Variants in CACNA2D3 observed in about 807,000 individuals in gnomAD.
CACNA2D3 encodes the protein calcium voltage-gated channel auxiliary subunit alpha2delta 3.
A neutral mutation model predicts 160.6 loss-of-function variants in CACNA2D3; 60 were observed. That is an observed-to-expected ratio of 0.37 (90% CI 0.30 to 0.46). The LOEUF (loss-of-function observed/expected upper bound fraction) is 0.46, where lower values mean the gene tolerates loss of function less well. Ranked by LOEUF, CACNA2D3 falls within the 20% of genes least tolerant of loss-of-function variation. The probability of loss-of-function intolerance (pLI) is 1.00; values close to 1 mark genes in which losing one functional copy is unlikely to be tolerated. For synonymous variants in CACNA2D3, 558 were observed against 492.9 expected (o/e 1.13, Z -1.75); for missense variants, 1,205 against 1,365.0 (o/e 0.88, Z 1.85).
intron 10 of CACNA2D3, chr3:54,634,585 C>T (rs964439099): frequency 6.6e-6 from 1 of 151,936 alleles, no homozygotes; most frequent in Non-Finnish European, 1.5e-5. Context: ...AAAAGAGAGT[C>T]AGCGAAGGGA....
intron 9 of CACNA2D3, among the ~76,000 whole-genome samples, chr3:54,618,382 C>T (rs1362610352): frequency 3.7e-4 from 45 of 122,250 alleles, no homozygotes; most frequent in Admixed American, 2.0e-3. Context: ...TATGCACACA[C>T]ACACACACAC....
chr3:54,163,438 G>A (rs917051960), intron 2 of CACNA2D3, among the ~76,000 whole-genome samples: 4 of 152,180 alleles, frequency 2.6e-5, no homozygotes, highest in African/African-American at 9.7e-5. Flanking sequence ...TTCTCTGGGA[G>A]ACTGCTATCC....
At chr3:54,139,357 C>G (rs1394095518) in intron 2 of CACNA2D3, among the ~76,000 whole-genome samples, 1 of 152,260 alleles carries the variant, frequency 6.6e-6, no homozygotes, top group African/African-American at 2.4e-5. Flanking sequence ...CCAGCAGGCT[C>G]AGCAGACTCA....
At chr3:54,304,920 T>G (rs144451506) in intron 2 of CACNA2D3, among the ~76,000 whole-genome samples, 1 of 152,340 alleles carries the variant, frequency 6.6e-6, no homozygotes, top group East Asian at 1.9e-4. Flanking sequence ...GCTCTTTTTT[T>G]TTTTAAACAT....
chr3:54,287,080 T>C (rs1409151584), intron 2 of CACNA2D3, among the ~76,000 whole-genome samples: 1 of 151,846 alleles, frequency 6.6e-6, no homozygotes, highest in East Asian at 1.9e-4. Flanking sequence ...CATAACAATA[T>C]TAACTTTAAA....
intron 14 of CACNA2D3, among the ~76,000 whole-genome samples, chr3:54,822,748 T>C (rs938399371): frequency 7.6e-5 from 5 of 65,632 alleles, no homozygotes; most frequent in Non-Finnish European, 1.1e-4. Flanking sequence ...CTTTCTTTCT[T>C]TCTTTCTTTC....
intron 35 of CACNA2D3, among the ~76,000 whole-genome samples, chr3:55,034,376 CTT>C (rs1703768196): frequency 6.6e-6 from 1 of 151,848 alleles, no homozygotes; most frequent in Non-Finnish European, 1.5e-5. Flanking sequence ...CCTTACTTCT[CTT>C]TGTCTCTTAA....
intron 4 of CACNA2D3, among the ~76,000 whole-genome samples, chr3:54,465,405 T>C (rs546068575): frequency 1.3e-5 from 2 of 152,290 alleles, no homozygotes; most frequent in East Asian, 3.9e-4. Context: ...TTATTAGTTA[T>C]TGTTAATCTC....
chr3:54,845,047 G>A (rs1414533912), intron 16 of CACNA2D3, among the ~76,000 whole-genome samples: 1 of 152,132 alleles, frequency 6.6e-6, no homozygotes, highest in African/African-American at 2.4e-5. Flanking sequence ...TGAAAGAGAC[G>A]ATATACATCT....
intron 4 of CACNA2D3, among the ~76,000 whole-genome samples, chr3:54,405,747 C>T (rs986966411): frequency 1.1e-4 from 16 of 151,764 alleles, no homozygotes; most frequent in Non-Finnish European, 2.1e-4. Context: ...AGCTTCTGCA[C>T]AGCAATGGAA....
intron 4 of CACNA2D3, among the ~76,000 whole-genome samples, chr3:54,460,735 A>T (rs896924592): frequency 6.6e-6 from 1 of 152,114 alleles, no homozygotes; most frequent in African/African-American, 2.4e-5. Context: ...GGACAATTTG[A>T]CTTCCTGTTT....
At chr3:54,862,631 C>T (rs1699317131) in intron 17 of CACNA2D3, among the ~76,000 whole-genome samples, 1 of 152,134 alleles carries the variant, frequency 6.6e-6, no homozygotes. Flanking sequence ...TGTTCCTCAG[C>T]CATCTCAGAG....
intron 5 of CACNA2D3, among the ~76,000 whole-genome samples, chr3:54,506,580 G>A (rs756691137): frequency 1.2e-4 from 19 of 152,204 alleles, no homozygotes; most frequent in Non-Finnish European, 2.2e-4. Flanking sequence ...TTTCTCTTGA[G>A]CACTGAAAGA....
chr3:55,002,228 C>T (rs369346689), intron 31 of CACNA2D3, among the ~76,000 whole-genome samples: 9 of 152,218 alleles, frequency 5.9e-5, no homozygotes, highest in Middle Eastern at 3.4e-3. Flanking sequence ...GGCCATCCTG[C>T]ATCCATGGCT....
chr3:54,796,859 T>C lies in CACNA2D3; in HGVS notation c.1381-19994T>C, dbSNP rs1179916713. 4.6e-5 allele frequency among the ~76,000 whole-genome samples: 7 copies of C among 152,128 alleles called. No individual in the cohort carries two copies. The East Asian group carries it at 1.4e-3, about 29-fold the overall frequency. ...AAATGGAAGGACAAAATTGAACCTTTCAGTTTACATAGAGATAGGGCTGCC... is the reference window on the plus strand; with the variant it reads ...AAATGGAAGGACAAAATTGAACCTTCCAGTTTACATAGAGATAGGGCTGCC... On this transcript the variant is annotated intron_variant, in intron 13 of 37. Coordinates refer to ENST00000474759, the MANE Select transcript of CACNA2D3 (RefSeq NM_018398.3).
At chr3:54,714,168 A>G (rs1468753527) in intron 11 of CACNA2D3, among the ~76,000 whole-genome samples, 1 of 152,196 alleles carries the variant, frequency 6.6e-6, no homozygotes, top group African/African-American at 2.4e-5. Flanking sequence ...AAAGACAAAG[A>G]TGATGAAAGA....
chr3:54,557,319 T>C (rs967824876), intron 5 of CACNA2D3, among the ~76,000 whole-genome samples: 3 of 152,196 alleles, frequency 2.0e-5, no homozygotes, highest in Non-Finnish European at 2.9e-5. Flanking sequence ...GAGCAAGATA[T>C]GGTGTCCAAA....
intron 4 of CACNA2D3, among the ~76,000 whole-genome samples, chr3:54,452,522 G>A (rs1700324957): frequency 6.6e-6 from 1 of 152,174 alleles, no homozygotes. Flanking sequence ...TTTAATGTCT[G>A]TATTTCTCCC....
chr3:54,596,308 C>T (rs1702953765), intron 9 of CACNA2D3, among the ~76,000 whole-genome samples: 1 of 152,182 alleles, frequency 6.6e-6, no homozygotes, highest in African/African-American at 2.4e-5. Flanking sequence ...TTCCATTCCG[C>T]TGGTCCTGAC....
Sources: allele counts gnomAD v4.1 joint callset (sites outside exome capture counted in the v4.1 genomes callset), GRCh38; gene constraint gnomAD v4.1.1; transcripts MANE v1.5; gene names NCBI Gene and HGNC (gene_info 2026-07-23, HGNC 2026-07-21).